GMDS: variants seen among roughly 807,000 people sequenced by gnomAD.
The protein encoded by GMDS is GDP-mannose 4,6 dehydratase.
A neutral mutation model predicts 49.9 loss-of-function variants in GMDS; 20 were observed. The observed-to-expected ratio is 0.40, with a 90% CI of 0.28 to 0.58. GMDS has a LOEUF of 0.58. Ranked by LOEUF, GMDS falls within the 20% of genes least tolerant of loss-of-function variation. The pLI, the probability that GMDS is intolerant of heterozygous loss-of-function variation, is 0.42. For synonymous variants in GMDS, 177 were observed against 178.6 expected (o/e 0.99, Z 0.07); for missense variants, 362 against 481.4 (o/e 0.75, Z 2.32).
intron 1 of GMDS, among the ~76,000 whole-genome samples, chr6:2,240,007 C>T (rs1409235715): frequency 2.0e-5 from 3 of 152,146 alleles, no homozygotes; most frequent in Non-Finnish European, 4.4e-5. Context: ...CCCAATAATG[C>T]CAAACCTTTT....
intron 7 of GMDS, among the ~76,000 whole-genome samples, chr6:1,872,143 C>A (rs926916690): frequency 2.6e-5 from 4 of 152,214 alleles, no homozygotes; most frequent in African/African-American, 9.7e-5. Flanking sequence ...TGGCAGTAGA[C>A]AACAATGCCC....
intron 7 of GMDS, among the ~76,000 whole-genome samples, chr6:1,878,171 C>G (rs554085569): frequency 1.3e-5 from 2 of 151,904 alleles, no homozygotes; most frequent in Non-Finnish European, 2.9e-5. Context: ...AAAAATTAGC[C>G]AGGCGTGGTG....
In GMDS at chr6:1,742,500, C is replaced by T. The variant is rs1767311374; in HGVS notation, c.858G>A (p.Glu286=). ...TTTTTCCAATGTGCAAGAATGATTT[C>T]TCGACAAATTCCCGGACACTATGGA... ...GEVHSVREFV[E]KSFLHIGKTI... is the part of the protein sequence containing the mutation. The change falls in exon 8 of 11, where the codon GAG becomes GAA. Residue 286 remains glutamate (E), a synonymous_variant. Transcript: ENST00000380815. The T allele has an allele frequency of 2.4e-5, 38 of 1,609,056 alleles. No homozygotes were observed. The highest frequency in any genetic ancestry group is 3.2e-5 in the Non-Finnish European group (38 of 1,175,478).
intron 7 of GMDS, among the ~76,000 whole-genome samples, chr6:1,760,895 G>C (rs186730821): frequency 8.5e-5 from 13 of 152,230 alleles, no homozygotes; most frequent in Admixed American, 7.8e-4. Flanking sequence ...ACCTCACCCG[G>C]GACTGGGATG....
At chr6:1,999,062 G>T (rs371222300) in intron 4 of GMDS, among the ~76,000 whole-genome samples, 1 of 152,082 alleles carries the variant, frequency 6.6e-6, no homozygotes, top group East Asian at 1.9e-4. Context: ...GGTGGCTCAC[G>T]CCTGTAATCC....
chr6:2,128,116 G>A (rs1234632871), intron 1 of GMDS, among the ~76,000 whole-genome samples: 1 of 151,694 alleles, frequency 6.6e-6, no homozygotes, highest in African/African-American at 2.4e-5. Context: ...TATATTAAAT[G>A]CCATACTATT....
At chr6:1,685,272 A>C (rs1581456684) in intron 9 of GMDS, among the ~76,000 whole-genome samples, 1 of 152,096 alleles carries the variant, frequency 6.6e-6, no homozygotes, top group African/African-American at 2.4e-5. Context: ...GTGGTGGTAC[A>C]TGCCTGTAAT....
chr6:2,066,761 AAG>A (rs1275600894), intron 4 of GMDS, among the ~76,000 whole-genome samples: 2 of 152,140 alleles, frequency 1.3e-5, no homozygotes, highest in Non-Finnish European at 2.9e-5. Context: ...CAGATTCATA[AAG>A]CAAGTCCTGA....
At chr6:1,847,568 C>T (rs1757466162) in intron 7 of GMDS, among the ~76,000 whole-genome samples, 1 of 152,182 alleles carries the variant, frequency 6.6e-6, no homozygotes, top group African/African-American at 2.4e-5. Flanking sequence ...CTAATCTCTC[C>T]ACACCAATAC....
intron 7 of GMDS, among the ~76,000 whole-genome samples, chr6:1,744,260 T>G (rs1364694756): frequency 6.6e-6 from 1 of 152,212 alleles, no homozygotes; most frequent in East Asian, 1.9e-4. Flanking sequence ...TTTTATATGC[T>G]TTGGAGATGT....
intron 9 of GMDS, among the ~76,000 whole-genome samples, chr6:1,696,258 T>C (rs1765336915): frequency 6.6e-6 from 1 of 152,224 alleles, no homozygotes. Context: ...ACCTATAATC[T>C]GTGACTTGCA....
chr6:1,838,559 C>T (rs571074150), intron 7 of GMDS, among the ~76,000 whole-genome samples: 1 of 152,294 alleles, frequency 6.6e-6, no homozygotes, highest in African/African-American at 2.4e-5. Flanking sequence ...TTATTTTACA[C>T]TGACTTGGCA....
At chr6:2,094,231 T>C (rs1214698135) in intron 4 of GMDS, among the ~76,000 whole-genome samples, 1 of 152,210 alleles carries the variant, frequency 6.6e-6, no homozygotes, top group Non-Finnish European at 1.5e-5. Flanking sequence ...GTACTAGAAA[T>C]GATTACAATT....
chr6:1,635,667 G>T lies in GMDS; in HGVS notation c.988-11127C>A, dbSNP rs549641675. 8.3e-3 allele frequency among the ~76,000 whole-genome samples: 1,260 copies of T among 151,638 alleles called. 10 individuals are homozygous for T. Among genetic ancestry groups the T allele is most frequent in the South Asian group, 0.022 (105 of 4,820 alleles). On this transcript the variant is annotated intron_variant, in intron 9 of 10. Transcript: ENST00000380815. The surrounding 1 kb of genome is among the most constrained non-coding windows in gnomAD (Gnocchi z 4.7). Reference sequence around the variant, plus strand: ...GGGTCTGTGCTGTGCAAAGCCCACCGGGGGGTGTGGCCCTCAAGTCTGCAG... The same window carrying T: ...GGGTCTGTGCTGTGCAAAGCCCACCTGGGGGTGTGGCCCTCAAGTCTGCAG...
intron 8 of GMDS, among the ~76,000 whole-genome samples, chr6:1,738,699 G>A (rs907839289): frequency 4.7e-5 from 7 of 149,800 alleles, no homozygotes; most frequent in African/African-American, 1.7e-4. Flanking sequence ...CTTAATTAAT[G>A]GCAATGCTAA....
intron 7 of GMDS, among the ~76,000 whole-genome samples, chr6:1,861,170 G>A (rs1758164906): frequency 6.6e-6 from 1 of 152,204 alleles, no homozygotes; most frequent in African/African-American, 2.4e-5. Context: ...AGGGTGACGT[G>A]CACACAAGGG....
At chr6:1,660,519 A>G (rs1764032242) in intron 9 of GMDS, among the ~76,000 whole-genome samples, 1 of 151,742 alleles carries the variant, frequency 6.6e-6, no homozygotes, top group Non-Finnish European at 1.5e-5. Flanking sequence ...CGGGGAGGAG[A>G]ACGGATGTAG....
At chr6:2,031,687 A>G (rs1182419238) in intron 4 of GMDS, among the ~76,000 whole-genome samples, 3 of 152,110 alleles carry the variant, frequency 2.0e-5, no homozygotes, top group Non-Finnish European at 4.4e-5. Context: ...AGAGGTAGGA[A>G]ATCTGGGCTC....
At chr6:2,124,459 CAGCTGAACACTGTGAGTGCAGGGG>C in intron 2 of GMDS, among the ~76,000 whole-genome samples, 1 of 152,242 alleles carries the variant, frequency 6.6e-6, no homozygotes, top group East Asian at 1.9e-4. Flanking sequence ...GTGTGCACCA[CAGCTGAACACTGTGAGTGCAGGGG>C]AGCCACCAGT....
Sources: gnomAD v4.1 joint callset for allele counts (sites outside exome capture counted in the v4.1 genomes callset) on GRCh38, gnomAD v4.1.1 for gene constraint, Gnocchi (gnomAD v3.1) non-coding constraint, MANE v1.5 for transcripts, NCBI Gene and HGNC (gene_info 2026-07-23, HGNC 2026-07-21) for gene names.